The following PRORP variants were observed in gnomAD, a reference collection of about 807,000 sequenced individuals.
PRORP encodes the protein mitochondrial ribonuclease P catalytic subunit.
In PRORP, 51 loss-of-function variants were observed where a neutral mutation model predicts 59.4. That is an observed-to-expected ratio of 0.86 (90% CI 0.69 to 1.08). PRORP has a LOEUF of 1.08. Among genes scored for constraint, PRORP ranks in the 50% least tolerant of loss-of-function variants. PRORP has a pLI of 0.00. For synonymous variants in PRORP, 231 were observed against 245.6 expected (o/e 0.94, Z 0.55); for missense variants, 646 against 690.3 (o/e 0.94, Z 0.72).
intron 4 of PRORP, among the ~76,000 whole-genome samples, chr14:35,164,964 T>C (rs1329136377): frequency 6.6e-6 from 1 of 152,120 alleles, no homozygotes; most frequent in African/African-American, 2.4e-5. Flanking sequence ...AAAGTTTCTC[T>C]CCCATTGTTT....
intron 7 of PRORP, among the ~76,000 whole-genome samples, chr14:35,271,071 A>G (rs1319856517): frequency 6.6e-6 from 1 of 151,476 alleles, no homozygotes; most frequent in Non-Finnish European, 1.5e-5. Flanking sequence ...TGGGCGACAG[A>G]GCAAGACTCC....
intron 5 of PRORP, among the ~76,000 whole-genome samples, chr14:35,204,722 G>T (rs888344843): frequency 2.0e-5 from 3 of 152,218 alleles, no homozygotes; most frequent in Middle Eastern, 3.4e-3. Flanking sequence ...CTATGTACAA[G>T]AACTGCAAGT....
chr14:35,204,823 A>G (rs1191060299), intron 5 of PRORP, among the ~76,000 whole-genome samples: 1 of 152,202 alleles, frequency 6.6e-6, no homozygotes, highest in Non-Finnish European at 1.5e-5. Flanking sequence ...TGGTATTTCC[A>G]GTTGACTTAT....
In PRORP at chr14:35,140,752, A is replaced by G. The variant is rs372689791; in HGVS notation, c.1167+13141A>G. 1.5e-4 allele frequency among the ~76,000 whole-genome samples: 22 copies of G among 145,810 alleles called. 1 individual carries two copies. Among genetic ancestry groups the G allele is most frequent in the African/African-American group, 3.6e-4 (15 of 41,176 alleles). ...TAAAGTGCAGCTAGAATCAAGGACA[A>G]TTGCTTCTAATGTGAGATTTTGAGG... is the stretch of plus-strand genomic sequence containing the variant. On this transcript the variant is annotated intron_variant, in intron 4 of 7. Coordinates refer to ENST00000534898, the MANE Select transcript of PRORP (RefSeq NM_014672.4).
chr14:35,131,530 TG>T (rs1243023830), intron 4 of PRORP, among the ~76,000 whole-genome samples: 14 of 97,312 alleles, frequency 1.4e-4, no homozygotes, highest in South Asian at 4.1e-4. Context: ...AGTTGCTTTT[TG>T]GTTTTTTTTT....
intron 4 of PRORP, among the ~76,000 whole-genome samples, chr14:35,168,144 C>T (rs184931374): frequency 1.2e-4 from 18 of 152,244 alleles, no homozygotes; most frequent in South Asian, 4.1e-4. Context: ...AATGGGACTG[C>T]TCAGTTATAT....
chr14:35,206,134 G>C (rs1317867404), intron 5 of PRORP, among the ~76,000 whole-genome samples: 1 of 152,200 alleles, frequency 6.6e-6, no homozygotes, highest in Non-Finnish European at 1.5e-5. Flanking sequence ...AGAATGTTTG[G>C]TGACTCCTTT....
chr14:35,124,862 ACT>A (rs1447713328), intron 2 of PRORP, among the ~76,000 whole-genome samples: 1 of 138,770 alleles, frequency 7.2e-6, no homozygotes, highest in Non-Finnish European at 1.6e-5. Flanking sequence ...TATTCTGTCT[ACT>A]CTCTCCCTTT....
At chr14:35,164,430 A>G (rs1298260837) in intron 4 of PRORP, among the ~76,000 whole-genome samples, 1 of 152,244 alleles carries the variant, frequency 6.6e-6, no homozygotes, top group East Asian at 1.9e-4. Flanking sequence ...ATGTGGTACT[A>G]TACACCATGG....
chr14:35,206,907 TTTC>T (rs2049308045), intron 5 of PRORP, among the ~76,000 whole-genome samples: 1 of 152,206 alleles, frequency 6.6e-6, no homozygotes, highest in African/African-American at 2.4e-5. Flanking sequence ...GATTAGAAGT[TTTC>T]TTCTCTGTAG....
At chr14:35,193,839 G>A (rs889840820) in intron 5 of PRORP, among the ~76,000 whole-genome samples, 5 of 151,950 alleles carry the variant, frequency 3.3e-5, no homozygotes, top group East Asian at 1.9e-4. Context: ...TGTTTCTCCC[G>A]TTTAAAGACT....
chr14:35,266,699 T>G, intron 5 of PRORP, 28 bp from the exon 6 acceptor site: 1 of 1,610,008 alleles, frequency 6.2e-7, no homozygotes, highest in South Asian at 1.1e-5. Context: ...CCCTTGAACT[T>G]TTGTGGTTCT....
chr14:35,167,585 C>G (rs2048215532), intron 4 of PRORP, among the ~76,000 whole-genome samples: 1 of 152,196 alleles, frequency 6.6e-6, no homozygotes, highest in Non-Finnish European at 1.5e-5. Flanking sequence ...TCATTTTCCC[C>G]TAGCTACATT....
chr14:35,176,550 A>T (rs2048455608), intron 4 of PRORP, among the ~76,000 whole-genome samples: 1 of 151,986 alleles, frequency 6.6e-6, no homozygotes, highest in Non-Finnish European at 1.5e-5. Flanking sequence ...TTTGTCTGTT[A>T]TTGGTGTGTA....
chr14:35,126,195 C>A (rs2047093096), intron 2 of PRORP, among the ~76,000 whole-genome samples: 1 of 151,988 alleles, frequency 6.6e-6, no homozygotes, highest in African/African-American at 2.4e-5. Context: ...GCAGTAGAAT[C>A]ATAAGAACTG....
intron 5 of PRORP, among the ~76,000 whole-genome samples, chr14:35,244,922 G>GAGGAAGGAGCA (rs111227909): frequency 6.6e-6 from 1 of 151,558 alleles, no homozygotes; most frequent in Non-Finnish European, 1.5e-5. Context: ...CTAGCTGTGT[G>GAGGAAGGAGCA]AGGAAGGGGC....
At chr14:35,136,594 C>G (rs191398104) in intron 4 of PRORP, among the ~76,000 whole-genome samples, 1 of 144,954 alleles carries the variant, frequency 6.9e-6, no homozygotes, top group African/African-American at 2.4e-5. Flanking sequence ...AGGCTGGTCT[C>G]GAACTCCCAG....
chr14:35,205,994 T>G (rs2139148527), intron 5 of PRORP, among the ~76,000 whole-genome samples: 1 of 152,310 alleles, frequency 6.6e-6, no homozygotes, highest in East Asian at 1.9e-4. Flanking sequence ...TGCAGTGATC[T>G]CAGCTCCTTG....
At position 35,142,343 on chromosome 14, in the gene PRORP, C is replaced by CT. The variant is rs576082267; in HGVS notation, c.1167+14750dup. Among the ~76,000 whole-genome samples, 550 of 116,718 alleles carry CT rather than the reference C, an allele frequency of 4.7e-3. 19 individuals carry two copies. The highest frequency in any genetic ancestry group is 0.01 in the African/African-American group (349 of 34,194). The allele number at this position is 116,718 out of a possible 152,430, so 76.6% of individuals were successfully genotyped here. ...CATCCTGTAAATTATAAATTCATTG[C>CT]TTTTTTTTTTTTTTTTTTCCAAGAG... On this transcript the variant is annotated intron_variant, in intron 4 of 7. Transcript: ENST00000534898.
Sources: gnomAD v4.1 joint callset for allele counts (sites outside exome capture counted in the v4.1 genomes callset) on GRCh38, gnomAD v4.1.1 for gene constraint, MANE v1.5 for transcripts, NCBI Gene and HGNC (gene_info 2026-07-23, HGNC 2026-07-21) for gene names.